LYRM4: variants seen among roughly 807,000 people sequenced by gnomAD.
LYRM4 encodes LYR motif-containing protein 4.
A neutral mutation model predicts 11.7 loss-of-function variants in LYRM4; 9 were observed. The observed-to-expected ratio is 0.77, with a 90% CI of 0.46 to 1.34. The LOEUF (loss-of-function observed/expected upper bound fraction) is 1.34, where lower values mean the gene tolerates loss of function less well. LYRM4 is among the 40% of genes most tolerant of loss of function. The pLI is 0.00. For missense variants in LYRM4, 133 were observed against 112.5 expected, an observed-to-expected ratio of 1.18 and a Z score of -0.82; for synonymous variants, 42 against 40.4, an observed-to-expected ratio of 1.04 and a Z score of -0.15.
the LYRM4 span, among the ~76,000 whole-genome samples, chr6:5,094,400 C>T: frequency 6.6e-6 from 1 of 152,226 alleles, no homozygotes; most frequent in African/African-American, 2.4e-5. Context: ...AGGAGGATCG[C>T]TTGAGCCAAG....
chr6:5,177,453 G>C (rs1561850505), intron 2 of LYRM4, among the ~76,000 whole-genome samples: 1 of 152,196 alleles, frequency 6.6e-6, no homozygotes, highest in Non-Finnish European at 1.5e-5. Context: ...TGCCTCTCTA[G>C]GGGGCACCAT....
Position 5,216,719 on chromosome 6 carries a change from T to C in LYRM4, c.106A>G (p.Ile36Val), listed in dbSNP as rs139300125. The C allele has an allele frequency of 4.8e-5, 77 of 1,613,276 alleles. 1 individual carries two copies. Among genetic ancestry groups the C allele is most frequent in the Non-Finnish European group, 6.3e-5 (74 of 1,179,990 alleles). The change falls in exon 2 of 3, where the codon ATA becomes GTA. Residue 36 changes from isoleucine to valine, a missense_variant. Ile to Val is a conservative substitution (Grantham distance 29). Transcript: ENST00000330636. Reference sequence around the variant, plus strand: ...TTATTTTCTCTGAAGGCATCTCTTATCCTCCTGACAGCATATGTTCTAAAT... The same window carrying C: ...TTATTTTCTCTGAAGGCATCTCTTACCCTCCTGACAGCATATGTTCTAAAT... ...YNYRTYAVRRIRDAFRENKNV... is the reference protein window; with the variant it reads ...YNYRTYAVRRVRDAFRENKNV...
chr6:5,073,372 T>A, the LYRM4 span, among the ~76,000 whole-genome samples: 2 of 151,612 alleles, frequency 1.3e-5, no homozygotes, highest in Non-Finnish European at 2.9e-5. Flanking sequence ...TGTTAAAAAA[T>A]ATATATATTT....
chr6:5,208,456 C>T (rs1761820939), intron 2 of LYRM4, among the ~76,000 whole-genome samples: 1 of 152,158 alleles, frequency 6.6e-6, no homozygotes, highest in Admixed American at 6.6e-5. Flanking sequence ...TAAAAATTCC[C>T]AAATGAAACT....
intron 2 of LYRM4, among the ~76,000 whole-genome samples, chr6:5,191,823 A>C (rs1251756811): frequency 6.6e-6 from 1 of 152,222 alleles, no homozygotes; most frequent in Non-Finnish European, 1.5e-5. Context: ...ACTCAGCATG[A>C]ACCAATAATT....
At chr6:5,145,011 T>TG (rs1456841979) in intron 2 of LYRM4, among the ~76,000 whole-genome samples, 1 of 152,180 alleles carries the variant, frequency 6.6e-6, no homozygotes, top group Non-Finnish European at 1.5e-5. Flanking sequence ...CACTCTTCCC[T>TG]GGGAACATAT....
At chr6:5,152,589 C>T (rs567417473) in intron 2 of LYRM4, among the ~76,000 whole-genome samples, 64 of 152,306 alleles carry the variant, frequency 4.2e-4, no homozygotes, top group Middle Eastern at 6.8e-3. Context: ...TGTCTGTCTC[C>T]GGCCTGGCTG....
chr6:5,155,623 C>G (rs1758366663), intron 2 of LYRM4, among the ~76,000 whole-genome samples: 1 of 152,194 alleles, frequency 6.6e-6, no homozygotes, highest in African/African-American at 2.4e-5. Flanking sequence ...ACCAGGATGT[C>G]AGGGAACCAG....
At position 5,245,108 on chromosome 6, in the gene LYRM4, AAAAAAATATATATATATATATAT is replaced by A. The variant is rs1456104520; in HGVS notation, c.86+15517_86+15539del. On this transcript the variant is annotated intron_variant, in intron 1 of 2. Coordinates refer to ENST00000330636, the MANE Select transcript of LYRM4 (RefSeq NM_020408.6). ...AGACCTTAAAAAAAAAAAAAAAAAA[AAAAAAATATATATATATATATAT>A]ATATATATATATATATATATATATA... Among the ~76,000 whole-genome samples the A allele has an allele frequency of 9.8e-3, 446 of 45,398 alleles. 34 individuals are homozygous for A. The highest frequency in any genetic ancestry group is 0.04 in the African/African-American group (407 of 10,280). The allele number at this position is 45,398 out of a possible 152,430, so 29.8% of individuals were successfully genotyped here.
intron 1 of LYRM4, among the ~76,000 whole-genome samples, chr6:5,246,439 T>C (rs1764200427): frequency 6.6e-6 from 1 of 152,170 alleles, no homozygotes; most frequent in Non-Finnish European, 1.5e-5. Flanking sequence ...GGTCTTTAAT[T>C]GGAGAAACCA....
intron 2 of LYRM4, among the ~76,000 whole-genome samples, chr6:5,191,116 CA>C (rs1230562683): frequency 1.3e-5 from 2 of 151,774 alleles, no homozygotes; most frequent in Non-Finnish European, 2.9e-5. Flanking sequence ...AATTAGGGAC[CA>C]AGTAAATATT....
chr6:5,144,362 G>T, intron 2 of LYRM4: 2 of 1,375,782 alleles, frequency 1.5e-6, no homozygotes, highest in Non-Finnish European at 2.0e-6. Flanking sequence ...GTGAGGCCGG[G>T]TGCGGTGGCT....
Position 5,146,669 on chromosome 6 carries a change from G to C in LYRM4, c.208-37178C>G, listed in dbSNP as rs113541069. Among the ~76,000 whole-genome samples the C allele has an allele frequency of 4.3e-3, 662 of 152,294 alleles. 2 individuals are homozygous for C. Among genetic ancestry groups the C allele is most frequent in the Non-Finnish European group, 7.7e-3 (524 of 68,020 alleles). On this transcript the variant is annotated intron_variant, in intron 2 of 2. Coordinates refer to ENST00000330636, the MANE Select transcript of LYRM4 (RefSeq NM_020408.6). ...CAGTTGTGGTGGGGCCCAGCTACCT[G>C]TCCAGTGAACAGCTTAGGAATAATT...
intron 2 of LYRM4, among the ~76,000 whole-genome samples, chr6:5,209,799 A>G (rs891902415): frequency 4.6e-5 from 7 of 152,260 alleles, no homozygotes; most frequent in Non-Finnish European, 7.3e-5. Flanking sequence ...ATAGCTGAGA[A>G]GCCAACCAGG....
At chr6:5,108,346 G>T, downstream of LYRM4, 1 of 746,890 alleles carries the variant, frequency 1.3e-6, no homozygotes, top group Non-Finnish European at 1.6e-6. Context: ...CTGGTCCCTC[G>T]TAAACTCCCC....
chr6:5,235,810 G>T (rs1347798044), intron 1 of LYRM4, among the ~76,000 whole-genome samples: 2 of 152,146 alleles, frequency 1.3e-5, no homozygotes, highest in South Asian at 4.1e-4. Context: ...AGCTTTACTT[G>T]GTTACAAAGT....
At chr6:5,237,676 C>T (rs1763631035) in intron 1 of LYRM4, among the ~76,000 whole-genome samples, 1 of 152,076 alleles carries the variant, frequency 6.6e-6, no homozygotes, top group South Asian at 2.1e-4. Context: ...GAAGGATTGC[C>T]TAAAAGACAA....
In LYRM4 at chr6:5,108,914, C is replaced by T; in HGVS notation, c.*509G>A. On this transcript the variant is annotated 3_prime_UTR_variant, in exon 3 of 3. Transcript: ENST00000330636. ...CGTAGCCCTGCCCTACTCCATGCTG[C>T]CCCCAGTCTCAAGTGGTGCTTGAAC... 1 of 993,402 alleles carries T rather than the reference C, an allele frequency of 1.0e-6. No individual in the cohort carries two copies. Among genetic ancestry groups the T allele is most frequent in the South Asian group, 4.5e-5 (1 of 22,110 alleles). 61.5% of individuals were successfully genotyped at this position (993,402 alleles called of 1,614,324 possible).
chr6:5,218,370 G>A, intron 1 of LYRM4: 1 of 984,970 alleles, frequency 1.0e-6, no homozygotes, highest in African/African-American at 1.7e-5. Context: ...GCGCGGAGGG[G>A]GTGTTGGGAG....
Sources: gnomAD v4.1 joint callset for allele counts (sites outside exome capture counted in the v4.1 genomes callset) on GRCh38, gnomAD v4.1.1 for gene constraint, MANE v1.5 for transcripts, NCBI Gene and HGNC (gene_info 2026-07-23, HGNC 2026-07-21) for gene names.